The following ST8SIA6 variants were observed in gnomAD, a reference collection of about 807,000 sequenced individuals.
ST8SIA6 encodes the protein ST8 alpha-N-acetyl-neuraminide alpha-2,8-sialyltransferase 6.
A neutral mutation model predicts 33.6 loss-of-function variants in ST8SIA6; 39 were observed. That is an observed-to-expected ratio of 1.16 (90% CI 0.90 to 1.52). The LOEUF (loss-of-function observed/expected upper bound fraction) is 1.52. Among genes scored for constraint, ST8SIA6 ranks in the 40% most tolerant of loss-of-function variants. ST8SIA6 has a pLI of 0.00. For missense variants in ST8SIA6, 441 were observed against 443.8 expected, an observed-to-expected ratio of 0.99 and a Z score of 0.06; for synonymous variants, 172 against 167.2, an observed-to-expected ratio of 1.03 and a Z score of -0.22.
At chr10:17,355,674 T>C (rs1849167986) in intron 4 of ST8SIA6, among the ~76,000 whole-genome samples, 2 of 152,212 alleles carry the variant, frequency 1.3e-5, no homozygotes, top group African/African-American at 4.8e-5. Flanking sequence ...GCTGTCCGAA[T>C]ACTTTCCCTA....
At chr10:17,437,619 T>G (rs540075719) in intron 2 of ST8SIA6, among the ~76,000 whole-genome samples, 1 of 89,236 alleles carries the variant, frequency 1.1e-5, no homozygotes, top group South Asian at 4.3e-4. Context: ...GTTTCCTTCC[T>G]TCCTTCCTTC....
chr10:17,419,143 A>G lies in ST8SIA6; in HGVS notation c.201-28523T>C, dbSNP rs933130808. Among the ~76,000 whole-genome samples the G allele has an allele frequency of 1.3e-5, 2 of 152,046 alleles. 1 individual carries two copies. The highest frequency in any genetic ancestry group is 4.1e-4 in the South Asian group (2 of 4,820). On this transcript the variant is annotated intron_variant, in intron 2 of 7. Coordinates refer to ENST00000377602, the MANE Select transcript of ST8SIA6 (RefSeq NM_001004470.3). ...TCTCTCAACTTCTCTGTGATTCATTAATGATCACCAGTAGTAAGTATCGAA... is the reference window on the plus strand; with the variant it reads ...TCTCTCAACTTCTCTGTGATTCATTGATGATCACCAGTAGTAAGTATCGAA...
chr10:17,443,631 T>C (rs1391161406), intron 2 of ST8SIA6, among the ~76,000 whole-genome samples: 1 of 152,266 alleles, frequency 6.6e-6, no homozygotes, highest in Admixed American at 6.5e-5. Context: ...CTACAGCATG[T>C]ACAAATCATT....
At chr10:17,360,203 T>C (rs1388720728) in intron 3 of ST8SIA6, among the ~76,000 whole-genome samples, 4 of 152,146 alleles carry the variant, frequency 2.6e-5, no homozygotes, top group Admixed American at 6.5e-5. Context: ...AAGTATTAAT[T>C]TCTAAAGCAC....
At chr10:17,343,869 AAATAAT>A (rs199856708) in intron 4 of ST8SIA6, among the ~76,000 whole-genome samples, 2 of 152,186 alleles carry the variant, frequency 1.3e-5, no homozygotes, top group African/African-American at 2.4e-5. Context: ...ATAGATGCAT[AAATAAT>A]AATAATAAAT....
intron 3 of ST8SIA6, among the ~76,000 whole-genome samples, chr10:17,380,181 C>G (rs958413946): frequency 3.9e-4 from 60 of 152,170 alleles, no homozygotes; most frequent in African/African-American, 1.4e-3. Flanking sequence ...ACCTTGAGCT[C>G]ACTTCCAACA....
At chr10:17,364,498 T>C (rs7083048) in intron 3 of ST8SIA6, among the ~76,000 whole-genome samples, 56,490 of 152,094 alleles carry the variant, frequency 0.37, 10,743 homozygotes, top group East Asian at 0.6. Context: ...ATCATTTTTA[T>C]GTCCAATCTG....
chr10:17,440,910 G>C (rs2131735912), intron 2 of ST8SIA6, among the ~76,000 whole-genome samples: 1 of 152,198 alleles, frequency 6.6e-6, no homozygotes, highest in South Asian at 2.1e-4. Flanking sequence ...TATCTTCTTT[G>C]CTGAAGATAG....
rs1304669575 is a variant in ST8SIA6, at chr10:17,318,911, G to A, written c.*1967C>T. On this transcript the variant is annotated 3_prime_UTR_variant, in exon 8 of 8. Transcript: ENST00000377602. ...AGAACATTATTGGCACCTCACAGCAGGATATATGGAAGGTGGGATATATGC... is the reference window on the plus strand; with the variant it reads ...AGAACATTATTGGCACCTCACAGCAAGATATATGGAAGGTGGGATATATGC... 6.6e-6 allele frequency among the ~76,000 whole-genome samples: 1 copy of A among 152,120 alleles called. No individual in the cohort carries two copies. Among genetic ancestry groups the A allele is most frequent in the Non-Finnish European group, 1.5e-5 (1 of 68,032 alleles).
At chr10:17,401,168 C>T (rs1196437726) in intron 2 of ST8SIA6, among the ~76,000 whole-genome samples, 1 of 152,126 alleles carries the variant, frequency 6.6e-6, no homozygotes, top group Non-Finnish European at 1.5e-5. Flanking sequence ...CATGAGTGAA[C>T]TCCCATTCAC....
In ST8SIA6 at chr10:17,318,342, A is replaced by G; in HGVS notation, c.*2536T>C. ...GTGAACCTCCCTCCTTAGCCTCCCA[A>G]GTAGCTGGGACCACAGGTGCACGCC... On this transcript the variant is annotated 3_prime_UTR_variant, in exon 8 of 8. Coordinates refer to ENST00000377602, the MANE Select transcript of ST8SIA6 (RefSeq NM_001004470.3). 1 of 227,130 alleles carries G rather than the reference A, an allele frequency of 4.4e-6. No homozygotes were observed. The highest frequency in any genetic ancestry group is 8.7e-6 in the Non-Finnish European group (1 of 114,548). The allele number at this position is 227,130 out of a possible 1,614,324, so 14.1% of individuals were successfully genotyped here.
intron 4 of ST8SIA6, among the ~76,000 whole-genome samples, chr10:17,338,065 A>G (rs1159913773): frequency 4.0e-5 from 5 of 124,942 alleles, no homozygotes; most frequent in Non-Finnish European, 8.2e-5. Context: ...ACGGAGTTTC[A>G]CTCTTCCCTC....
intron 2 of ST8SIA6, among the ~76,000 whole-genome samples, chr10:17,437,656 TC>T (rs748732229): frequency 0.079 from 9,658 of 122,466 alleles, 530 homozygotes; most frequent in South Asian, 0.092. Context: ...CTTCCTTCCT[TC>T]CTTCCTTCTG....
chr10:17,400,934 A>G (rs548738564), intron 2 of ST8SIA6, among the ~76,000 whole-genome samples: 90 of 152,318 alleles, frequency 5.9e-4, no homozygotes, highest in African/African-American at 1.9e-3. Flanking sequence ...GCCCAGGGCA[A>G]TCAGGCAGGA....
chr10:17,376,102 CAACATGTCTCT>C (rs987931108), intron 3 of ST8SIA6, among the ~76,000 whole-genome samples: 1 of 152,194 alleles, frequency 6.6e-6, no homozygotes, highest in Non-Finnish European at 1.5e-5. Flanking sequence ...TCAAAACCCC[CAACATGTCTCT>C]AACATCTAGA....
chr10:17,346,919 T>C (rs1392894274), intron 4 of ST8SIA6, among the ~76,000 whole-genome samples: 1 of 152,210 alleles, frequency 6.6e-6, no homozygotes, highest in Admixed American at 6.5e-5. Flanking sequence ...GTCCACACAA[T>C]TGCAAGGGCT....
At chr10:17,387,038 A>G (rs1850390959) in intron 3 of ST8SIA6, 1 of 152,132 alleles carries the variant, frequency 6.6e-6, no homozygotes, top group African/African-American at 2.4e-5. Context: ...CCTTGCTCCA[A>G]AGAAAAGCCG....
At chr10:17,339,400 T>C (rs1406328650) in intron 4 of ST8SIA6, among the ~76,000 whole-genome samples, 9 of 152,172 alleles carry the variant, frequency 5.9e-5, no homozygotes, top group Non-Finnish European at 2.9e-5. Flanking sequence ...GCAGGCACTT[T>C]CCAGGTATTG....
intron 2 of ST8SIA6, among the ~76,000 whole-genome samples, chr10:17,390,990 C>T (rs1372321172): frequency 6.6e-6 from 1 of 151,224 alleles, no homozygotes; most frequent in East Asian, 2.0e-4. Context: ...TCCCGAGTAG[C>T]TAGGATTATA....
Sources: gnomAD v4.1 joint callset for allele counts (sites outside exome capture counted in the v4.1 genomes callset) on GRCh38, gnomAD v4.1.1 for gene constraint, MANE v1.5 for transcripts, NCBI Gene and HGNC (gene_info 2026-07-23, HGNC 2026-07-21) for gene names.